Variants in NCMAP observed in about 807,000 individuals in gnomAD.
NCMAP encodes the protein non-compact myelin associated protein, also known as noncompact myelin-associated protein.
Under a neutral mutation model 7.8 loss-of-function variants are expected in NCMAP, and 8 were observed. That is an observed-to-expected ratio of 1.02 (90% CI 0.60 to 1.84). The LOEUF is 1.84. Ranked by LOEUF, NCMAP falls within the 40% of genes most tolerant of loss-of-function variation. The pLI is 0.00. For missense variants in NCMAP, 112 were observed against 131.4 expected (o/e 0.85, Z 0.72); for synonymous variants, 41 against 52.9 (o/e 0.78, Z 0.98).
intron 1 of NCMAP, among the ~76,000 whole-genome samples, chr1:24,592,739 A>C (rs1439607827): frequency 6.6e-6 from 1 of 152,014 alleles, no homozygotes; most frequent in Non-Finnish European, 1.5e-5. Flanking sequence ...TAACACAGTG[A>C]AACCCCGTCT....
chr1:24,607,007 T>C lies in NCMAP; in HGVS notation c.*1260T>C, dbSNP rs1418060955. ...TTCTTTTTTCTTTTCTTTTTTTTTT[T>C]TTTTTGAGACAGAGCCTCAATCTGT... On this transcript the variant is annotated 3_prime_UTR_variant, in exon 4 of 4. Coordinates refer to ENST00000374392, the MANE Select transcript of NCMAP (RefSeq NM_001010980.5). The C allele has an allele frequency of 2.0e-5, 3 of 151,214 alleles. No individual in the cohort carries two copies. Among genetic ancestry groups the C allele is most frequent in the Non-Finnish European group, 4.4e-5 (3 of 68,040 alleles). 9.4% of individuals were successfully genotyped at this position (151,214 alleles called of 1,614,324 possible).
chr1:24,604,598 AAAAAAAAATATATATATATATATATAT>A lies in NCMAP; in HGVS notation c.168-1006_168-980del, dbSNP rs1557605253. On this transcript the variant is annotated intron_variant, in intron 3 of 3. Transcript: ENST00000374392. ...TAAAAAAAAAAAAAAAAAAAAAAAAAAAAAAAAATATATATATATATATATATATATATATATATATATATATATATA... is the reference window on the plus strand; with the variant it reads ...TAAAAAAAAAAAAAAAAAAAAAAAAAATATATATATATATATATATATATA... Among the ~76,000 whole-genome samples, 10 of 60,662 alleles carry A rather than the reference AAAAAAAAATATATATATATATATATAT, an allele frequency of 1.6e-4. 1 individual carries two copies. The highest frequency in any genetic ancestry group is 1.1e-3 in the African/African-American group (10 of 8,944). 39.8% of individuals were successfully genotyped at this position (60,662 alleles called of 152,430 possible).
intron 1 of NCMAP, among the ~76,000 whole-genome samples, chr1:24,582,348 T>C (rs1234186182): frequency 1.3e-5 from 2 of 151,964 alleles, no homozygotes; most frequent in Non-Finnish European, 2.9e-5. Flanking sequence ...CTCATCCTAA[T>C]CCCCCAAACC....
At position 24,576,756 on chromosome 1, in the gene NCMAP, C is replaced by T. The variant is rs376298823; in HGVS notation, c.-7-18668C>T. 6.6e-6 allele frequency among the ~76,000 whole-genome samples: 1 copy of T among 152,284 alleles called. No individual in the cohort carries two copies. ...GGTTCTTGCCCCCCATCTCAGGCCT[C>T]TCTGTTGGAGTTTTCAAGATGGCCG... is the stretch of plus-strand genomic sequence containing the variant. On this transcript the variant is annotated intron_variant, in intron 1 of 3. Coordinates refer to ENST00000374392, the MANE Select transcript of NCMAP (RefSeq NM_001010980.5). This position sits in a 1 kb window ranked among gnomAD's most constrained non-coding sequence, Gnocchi z 4.0.
chr1:24,572,373 C>T (rs1378954352), intron 1 of NCMAP, among the ~76,000 whole-genome samples: 2 of 150,824 alleles, frequency 1.3e-5, no homozygotes, highest in African/African-American at 5.0e-5. Flanking sequence ...TCAGACCCTT[C>T]CTTCCTGTGC....
In NCMAP at chr1:24,559,049, A is replaced by T. The variant is rs115767162; in HGVS notation, c.-8+2880A>T. On this transcript the variant is annotated intron_variant, in intron 1 of 3. Transcript: ENST00000374392. ...ACTTTTAAAAAGATATATATATTTG[A>T]TATTGAAGAGAAATATCCAAAACAG... 2.6e-3 allele frequency among the ~76,000 whole-genome samples: 399 copies of T among 152,316 alleles called. 2 individuals carry two copies. The highest frequency in any genetic ancestry group is 9.1e-3 in the African/African-American group (378 of 41,550).
intron 1 of NCMAP, chr1:24,563,655 A>G (rs1651127684): frequency 6.6e-6 from 1 of 152,242 alleles, no homozygotes; most frequent in Non-Finnish European, 1.5e-5. Context: ...ATTTACAGGA[A>G]GATTATGTCT....
intron 1 of NCMAP, among the ~76,000 whole-genome samples, chr1:24,594,632 C>A (rs566863974): frequency 5.4e-4 from 82 of 152,344 alleles, no homozygotes; most frequent in Non-Finnish European, 1.0e-3. Flanking sequence ...CCCTTACGCC[C>A]CAACCATGCC....
intron 1 of NCMAP, among the ~76,000 whole-genome samples, chr1:24,593,437 G>A (rs1032931019): frequency 1.3e-5 from 2 of 152,092 alleles, no homozygotes; most frequent in African/African-American, 4.8e-5. Context: ...AGGCTGCAGT[G>A]AGCTATGATT....
intron 1 of NCMAP, among the ~76,000 whole-genome samples, chr1:24,569,940 T>G (rs1651340681): frequency 6.7e-6 from 1 of 150,242 alleles, no homozygotes; most frequent in Admixed American, 6.6e-5. Context: ...GGCCTCAGTT[T>G]CCTCACTTAA....
At chr1:24,597,647 G>GAAAGAAAGAAAGAAAAGAAAAGAA (rs1553157442) in intron 2 of NCMAP, among the ~76,000 whole-genome samples, 1 of 131,058 alleles carries the variant, frequency 7.6e-6, no homozygotes, top group African/African-American at 3.0e-5. Flanking sequence ...AAGAAAGAAA[G>GAAAGAAAGAAAGAAAAGAAAAGAA]AAAGAAAGAA....
chr1:24,594,417 G>A (rs999990895), intron 1 of NCMAP, among the ~76,000 whole-genome samples: 2 of 152,120 alleles, frequency 1.3e-5, no homozygotes, highest in Admixed American at 6.5e-5. Flanking sequence ...TTGTATGACC[G>A]GTTGATTCAC....
At chr1:24,562,469 G>A (rs982307617) in intron 1 of NCMAP, among the ~76,000 whole-genome samples, 11 of 152,234 alleles carry the variant, frequency 7.2e-5, no homozygotes, top group Non-Finnish European at 1.3e-4. Context: ...CCCTGAGGGT[G>A]AGGACTGTGC....
At chr1:24,561,908 C>A in intron 1 of NCMAP, among the ~76,000 whole-genome samples, 1 of 56,912 alleles carries the variant, frequency 1.8e-5, no homozygotes. Context: ...GAGACTTCGT[C>A]TCAAAAAAAA....
At chr1:24,592,843 C>T (rs542919335) in intron 1 of NCMAP, among the ~76,000 whole-genome samples, 16 of 151,924 alleles carry the variant, frequency 1.1e-4, no homozygotes, top group Non-Finnish European at 1.9e-4. Flanking sequence ...GGCGTGAACC[C>T]GGGAGGCGGA....
intron 1 of NCMAP, among the ~76,000 whole-genome samples, chr1:24,586,540 A>T (rs1295535266): frequency 6.6e-6 from 1 of 152,194 alleles, no homozygotes; most frequent in East Asian, 1.9e-4. Context: ...AGGAGGGCGG[A>T]TCACAAGGTC....
At chr1:24,605,241 A>G (rs973107533) in intron 3 of NCMAP, among the ~76,000 whole-genome samples, 1 of 152,206 alleles carries the variant, frequency 6.6e-6, no homozygotes, top group Non-Finnish European at 1.5e-5. Flanking sequence ...GTTCTTAAAT[A>G]TTTCTAGCAA....
At chr1:24,577,893 C>T (rs1651632363) in intron 1 of NCMAP, among the ~76,000 whole-genome samples, 1 of 152,020 alleles carries the variant, frequency 6.6e-6, no homozygotes, top group Non-Finnish European at 1.5e-5. Flanking sequence ...GGCCATGGCT[C>T]CTTTAGGGGT....
chr1:24,603,296 C>A (rs1424361874), intron 3 of NCMAP, among the ~76,000 whole-genome samples: 1 of 151,880 alleles, frequency 6.6e-6, no homozygotes, highest in African/African-American at 2.4e-5. Flanking sequence ...GGGATTCAAA[C>A]CTAGTTCATC....
Sources: allele counts gnomAD v4.1 joint callset (sites outside exome capture counted in the v4.1 genomes callset), GRCh38; gene constraint gnomAD v4.1.1; non-coding constraint Gnocchi (gnomAD v3.1); transcripts MANE v1.5; gene names NCBI Gene and HGNC (gene_info 2026-07-23, HGNC 2026-07-21).